Variants in USP31 observed in about 807,000 individuals in gnomAD.
The protein encoded by USP31 is ubiquitin carboxyl-terminal hydrolase 31.
Under a neutral mutation model 119.4 loss-of-function variants are expected in USP31, and 44 were observed. The ratio of observed to expected loss-of-function variants is 0.37; its 90% CI spans 0.29 to 0.47. The LOEUF (loss-of-function observed/expected upper bound fraction) is 0.47, where lower values mean the gene tolerates loss of function less well. USP31 is among the 20% of genes least tolerant of loss of function. The pLI is 0.99. For missense variants in USP31, 1,643 were observed against 1,730.2 expected (o/e 0.95, Z 0.89); for synonymous variants, 749 against 705.6 (o/e 1.06, Z -0.97).
Position 23,131,845 on chromosome 16 carries a change from C to A in USP31, c.633+16793G>T, listed in dbSNP as rs573246628. Reference sequence around the variant, plus strand: ...GGCTCTCTGCCTTGCTCTTCAAGATCAAAAGAATACCAAGAATTAAAGCCA... The same window carrying A: ...GGCTCTCTGCCTTGCTCTTCAAGATAAAAAGAATACCAAGAATTAAAGCCA... On this transcript the variant is annotated intron_variant, in intron 1 of 15. Transcript: ENST00000219689. 5.3e-5 allele frequency among the ~76,000 whole-genome samples: 8 copies of A among 152,220 alleles called. No homozygotes were observed. The South Asian group carries it at 1.7e-3, about 32-fold the overall frequency.
Position 23,106,608 on chromosome 16 carries a change from C to T in USP31, c.772-121G>A, listed in dbSNP as rs1177833429. 7 of 1,023,078 alleles carry T rather than the reference C, an allele frequency of 6.8e-6. No individual in the cohort carries two copies. In the Admixed American group the frequency reaches 8.3e-5, roughly 12 times the overall value. 63.4% of individuals were successfully genotyped at this position (1,023,078 alleles called of 1,614,324 possible). A position where few individuals can be genotyped will look rare whatever the true frequency, so the allele number is the denominator to read the frequency against. On this transcript the variant is annotated intron_variant, in intron 2 of 15. Transcript: ENST00000219689. The stretch of plus-strand genomic sequence containing the variant: ...ACAAGCTATGCATCAAGTGCAGATA[C>T]TTCAGTGACGGGCACCTGCTAAAGG...
At chr16:23,146,530 A>AAAG (rs1555470697) in intron 1 of USP31, among the ~76,000 whole-genome samples, 2 of 151,906 alleles carry the variant, frequency 1.3e-5, no homozygotes, top group Non-Finnish European at 2.9e-5. Flanking sequence ...TCCATCTCAA[A>AAAG]AATAATAATA....
Position 23,149,139 on chromosome 16 carries a change from G to A in USP31, c.132C>T (p.Ser44=), listed in dbSNP as rs1297561713. The change falls in exon 1 of 16, where the codon TCC becomes TCT. Residue 44 remains serine (S), a synonymous_variant. Coordinates refer to ENST00000219689, the MANE Select transcript of USP31 (RefSeq NM_020718.4). ...AGGGCGAGGAAGGCGCGGCCGGCCC[G>A]GACGCCCCGGGGCCCCCCGCGCCGC... ...GGGGAGGPGA[S]GPAAPSSPSS... The A allele has an allele frequency of 5.6e-6, 7 of 1,240,500 alleles. No individual in the cohort carries two copies. The highest frequency in any genetic ancestry group is 7.2e-6 in the Non-Finnish European group (7 of 971,046). 76.8% of individuals were successfully genotyped at this position (1,240,500 alleles called of 1,614,324 possible).
chr16:23,117,075 A>G (rs1053946071), intron 1 of USP31, among the ~76,000 whole-genome samples: 2 of 152,232 alleles, frequency 1.3e-5, no homozygotes, highest in African/African-American at 4.8e-5. Flanking sequence ...TGCTCCAATG[A>G]GCATTTCTTT....
At chr16:23,093,200 T>C (rs1257414190) in intron 6 of USP31, among the ~76,000 whole-genome samples, 1 of 152,194 alleles carries the variant, frequency 6.6e-6, no homozygotes, top group Admixed American at 6.5e-5. Context: ...TGAAGAACTT[T>C]TGTACGTCAA....
intron 1 of USP31, among the ~76,000 whole-genome samples, chr16:23,135,647 A>C (rs945963642): frequency 4.6e-5 from 7 of 152,230 alleles, no homozygotes; most frequent in African/African-American, 1.7e-4. Context: ...AAAACAGTAC[A>C]CTGAAAACCA....
intron 1 of USP31, among the ~76,000 whole-genome samples, chr16:23,114,373 C>T (rs1357465286): frequency 6.6e-6 from 1 of 151,416 alleles, no homozygotes; most frequent in Non-Finnish European, 1.5e-5. Context: ...TAGAGTTGGG[C>T]CACACAAACT....
chr16:23,086,030 C>T (rs902954218), intron 9 of USP31, among the ~76,000 whole-genome samples: 1 of 152,134 alleles, frequency 6.6e-6, no homozygotes, highest in East Asian at 1.9e-4. Flanking sequence ...CCCCTGGGAA[C>T]AAAGTCGCCC....
chr16:23,108,301 A>C, intron 1 of USP31, 118 bp from the exon 2 acceptor site: 1 of 1,377,710 alleles, frequency 7.3e-7, no homozygotes, highest in Non-Finnish European at 9.6e-7. Context: ...AATACTTCCC[A>C]GAAGGAGTGC....
rs775322105 is a variant in USP31, at chr16:23,068,957, C to A, written c.3148G>T (p.Glu1050Ter). Residue 1050 changes from glutamate to a stop codon, truncating the protein, a stop_gained, in exon 16 of 16, where the codon GAG becomes TAG. Transcript: ENST00000219689. LOFTEE classifies it high-confidence loss of function. ...RKGRPALASQ[E>*]SSLSSTSPSS... Reference sequence around the variant, plus strand: ...GGGGATGTACTTGAAAGGGATGACTCCTGGCTTGCCAAGGCTGGTCTCCCC... The same window carrying A: ...GGGGATGTACTTGAAAGGGATGACTACTGGCTTGCCAAGGCTGGTCTCCCC... The A allele has an allele frequency of 1.2e-6, 2 of 1,614,170 alleles. No individual in the cohort carries two copies. Among genetic ancestry groups the A allele is most frequent in the Non-Finnish European group, 1.7e-6 (2 of 1,180,008 alleles).
At chr16:23,129,740 T>C (rs1023273747) in intron 1 of USP31, among the ~76,000 whole-genome samples, 7 of 152,354 alleles carry the variant, frequency 4.6e-5, no homozygotes, top group African/African-American at 1.7e-4. Flanking sequence ...GTACAAGTAC[T>C]TTAACATGGT....
At chr16:23,081,608 T>C (rs145872297) in intron 12 of USP31, among the ~76,000 whole-genome samples, 2 of 152,354 alleles carry the variant, frequency 1.3e-5, no homozygotes, top group African/African-American at 4.8e-5. Flanking sequence ...AATAATATTT[T>C]CAAAATACAG....
At chr16:23,127,057 T>G (rs1159666472) in intron 1 of USP31, among the ~76,000 whole-genome samples, 1 of 152,204 alleles carries the variant, frequency 6.6e-6, no homozygotes, top group Non-Finnish European at 1.5e-5. Context: ...AGCCATATAT[T>G]GTATTTTTTA....
intron 1 of USP31, among the ~76,000 whole-genome samples, chr16:23,142,548 G>T (rs958429555): frequency 6.6e-6 from 1 of 152,202 alleles, no homozygotes; most frequent in Non-Finnish European, 1.5e-5. Flanking sequence ...TTGTGCACCA[G>T]CAGTGCAGGG....
rs993402510 is a variant in USP31 at position 23,062,448 on chromosome 16, C to T, written c.*5598G>A. 2 of 152,138 alleles carry T rather than the reference C, an allele frequency of 1.3e-5. No individual in the cohort carries two copies. The highest frequency in any genetic ancestry group is 2.9e-5 in the Non-Finnish European group (2 of 67,986). 9.4% of individuals were successfully genotyped at this position (152,138 alleles called of 1,614,324 possible). A position where few individuals can be genotyped will look rare whatever the true frequency, so the allele number is the denominator to read the frequency against. The stretch of plus-strand genomic sequence containing the variant: ...AACTAAAAAAAAGAATTCCTGAAAC[C>T]ACATTCTGGATAAGAACTATCCTAG... On this transcript the variant is annotated 3_prime_UTR_variant, in exon 16 of 16. Coordinates refer to ENST00000219689, the MANE Select transcript of USP31 (RefSeq NM_020718.4).
intron 13 of USP31, among the ~76,000 whole-genome samples, chr16:23,076,874 C>G (rs189861731): frequency 6.6e-6 from 1 of 152,270 alleles, no homozygotes; most frequent in African/African-American, 2.4e-5. Context: ...GTTAAATGAC[C>G]TCCACATCCC....
At position 23,072,300 on chromosome 16, in the gene USP31, T is replaced by C. The variant is rs537395599; in HGVS notation, c.2336-103A>G. 5.9e-5 allele frequency: 88 copies of C among 1,481,850 alleles called. No homozygotes were observed. The Admixed American group carries it at 6.1e-4, about 10-fold the overall frequency. The allele number at this position is 1,481,850 out of a possible 1,614,324, so 91.8% of individuals were successfully genotyped here. A position where few individuals can be genotyped will look rare whatever the true frequency, so the allele number is the denominator to read the frequency against. On this transcript the variant is annotated intron_variant, in intron 14 of 15. Transcript: ENST00000219689. ...GTGTTACGAGCTGAGCTGGGGGGCG[T>C]TGATGTCCTCACCCCGAGGTCAGCA...
intron 1 of USP31, among the ~76,000 whole-genome samples, chr16:23,116,696 T>C (rs1902494985): frequency 6.6e-6 from 1 of 152,156 alleles, no homozygotes; most frequent in South Asian, 2.1e-4. Flanking sequence ...CTCTAGGCTT[T>C]CATATGTACT....
chr16:23,128,359 G>A lies in USP31; in HGVS notation c.634-20176C>T, dbSNP rs536219429. On this transcript the variant is annotated intron_variant, in intron 1 of 15. Coordinates refer to ENST00000219689, the MANE Select transcript of USP31 (RefSeq NM_020718.4). ...ACAGTCTCAAAACGACTTGAGAGTC[G>A]ACTTGTCCCACTGGACAAAAATGGG... is the stretch of plus-strand genomic sequence containing the variant. 9.9e-5 allele frequency among the ~76,000 whole-genome samples: 15 copies of A among 152,194 alleles called. No homozygotes were observed. In the South Asian group the frequency reaches 2.3e-3, roughly 23 times the overall value.
Sources: gnomAD v4.1 joint callset for allele counts (sites outside exome capture counted in the v4.1 genomes callset) on GRCh38, gnomAD v4.1.1 for gene constraint, MANE v1.5 for transcripts, NCBI Gene and HGNC (gene_info 2026-07-23, HGNC 2026-07-21) for gene names.